Variants in EPHA3 observed in about 807,000 individuals in gnomAD.
EPHA3 encodes the protein EPH receptor A3.
In EPHA3, 42 loss-of-function variants were observed where a neutral mutation model predicts 107.1. That is an observed-to-expected ratio of 0.39 (90% CI 0.31 to 0.51). EPHA3 has a LOEUF of 0.51. Ranked by LOEUF, EPHA3 falls within the 20% of genes least tolerant of loss-of-function variation. The probability of loss-of-function intolerance (pLI) is 0.78; values close to 1 mark genes in which losing one functional copy is unlikely to be tolerated. For synonymous variants in EPHA3, 461 were observed against 424.8 expected (o/e 1.09, Z -1.05); for missense variants, 1,183 against 1,211.2 (o/e 0.98, Z 0.35).
At chr3:89,158,181 G>C (rs1476739114) in intron 2 of EPHA3, among the ~76,000 whole-genome samples, 3 of 152,060 alleles carry the variant, frequency 2.0e-5, no homozygotes, top group Non-Finnish European at 4.4e-5. Context: ...AATTATCCAA[G>C]GTTGCACAAC....
At chr3:89,129,705 G>T (rs1704163990) in intron 2 of EPHA3, among the ~76,000 whole-genome samples, 1 of 148,058 alleles carries the variant, frequency 6.8e-6, no homozygotes, top group Non-Finnish European at 1.5e-5. Flanking sequence ...AAATATTTGT[G>T]CCTCTAGATT....
intron 5 of EPHA3, among the ~76,000 whole-genome samples, chr3:89,373,481 G>T (rs189950008): frequency 6.6e-6 from 1 of 151,964 alleles, no homozygotes; most frequent in Admixed American, 6.6e-5. Context: ...AAATGGCAAT[G>T]TTATTTCAGA....
At chr3:89,116,642 A>G (rs1707261584) in intron 1 of EPHA3, among the ~76,000 whole-genome samples, 1 of 151,950 alleles carries the variant, frequency 6.6e-6, no homozygotes, top group South Asian at 2.1e-4. Context: ...GGCAAAGAGC[A>G]AAAATAGCAT....
chr3:89,267,379 A>G (rs1389009596), intron 3 of EPHA3, among the ~76,000 whole-genome samples: 1 of 152,112 alleles, frequency 6.6e-6, no homozygotes, highest in Non-Finnish European at 1.5e-5. Flanking sequence ...ATCCTTGGCT[A>G]TTTTACACTG....
intron 5 of EPHA3, among the ~76,000 whole-genome samples, chr3:89,348,325 C>T (rs1707723201): frequency 7.2e-6 from 1 of 139,696 alleles, no homozygotes; most frequent in Non-Finnish European, 1.6e-5. Context: ...GATTCAACTT[C>T]TTCCTGGTTT....
chr3:89,183,919 G>T (rs1295357869), intron 2 of EPHA3, among the ~76,000 whole-genome samples: 3 of 151,838 alleles, frequency 2.0e-5, no homozygotes, highest in African/African-American at 7.2e-5. Flanking sequence ...ACATTGAAAT[G>T]ATTATGTAAA....
intron 5 of EPHA3, among the ~76,000 whole-genome samples, chr3:89,394,339 G>A (rs1026022319): frequency 8.5e-5 from 13 of 152,106 alleles, no homozygotes; most frequent in African/African-American, 3.1e-4. Context: ...GCTGCAGTAA[G>A]CCGAGATCAC....
intron 5 of EPHA3, among the ~76,000 whole-genome samples, chr3:89,343,943 G>GA (rs1205943036): frequency 1.2e-4 from 19 of 152,138 alleles, no homozygotes; most frequent in South Asian, 4.1e-4. Flanking sequence ...TCTTCTATGG[G>GA]AAAAAATGAG....
intron 3 of EPHA3, among the ~76,000 whole-genome samples, chr3:89,251,030 C>A (rs1469594930): frequency 6.6e-6 from 1 of 152,124 alleles, no homozygotes; most frequent in Non-Finnish European, 1.5e-5. Flanking sequence ...GGAATTATTT[C>A]TCTGAGACTA....
intron 1 of EPHA3, 23 bp downstream of exon 1, chr3:89,107,859 C>T (rs377389977): frequency 1.9e-6 from 3 of 1,608,860 alleles, no homozygotes; most frequent in East Asian, 2.2e-5. Context: ...CCGCGACGCA[C>T]GGAGCTCTGC....
At chr3:89,238,241 C>T (rs1704819042) in intron 3 of EPHA3, among the ~76,000 whole-genome samples, 1 of 152,044 alleles carries the variant, frequency 6.6e-6, no homozygotes. Context: ...ATGGGGTAGC[C>T]AGATGGATAT....
intron 2 of EPHA3, among the ~76,000 whole-genome samples, chr3:89,205,777 T>G (rs1356227050): frequency 6.6e-6 from 1 of 151,690 alleles, no homozygotes; most frequent in African/African-American, 2.4e-5. Flanking sequence ...CACCACCAAA[T>G]TCTATGTTAC....
Position 89,388,769 on chromosome 3 carries a change from ATCT to A in EPHA3, c.1307-7063_1307-7061del, listed in dbSNP as rs1448904690. ...GTGATCCTAAGAGTTATCTGCTATC[ATCT>A]TCTTAAAAATACAGATCTCCAGACC... On this transcript the variant is annotated intron_variant, in intron 5 of 16. Coordinates refer to ENST00000336596, the MANE Select transcript of EPHA3 (RefSeq NM_005233.6). 3.3e-5 allele frequency among the ~76,000 whole-genome samples: 5 copies of A among 152,322 alleles called. No homozygotes were observed. The East Asian group carries it at 9.7e-4, about 29-fold the overall frequency.
At chr3:89,457,796 G>A (rs575602842) in intron 15 of EPHA3, among the ~76,000 whole-genome samples, 5 of 152,190 alleles carry the variant, frequency 3.3e-5, no homozygotes, top group African/African-American at 9.7e-5. Context: ...GGATTCATAC[G>A]AGAGAATTAA....
intron 5 of EPHA3, among the ~76,000 whole-genome samples, chr3:89,353,416 T>G (rs1707875612): frequency 6.6e-6 from 1 of 151,440 alleles, no homozygotes; most frequent in Non-Finnish European, 1.5e-5. Context: ...CTTTGTTTCA[T>G]TTTATGATTA....
intron 16 of EPHA3, among the ~76,000 whole-genome samples, chr3:89,474,709 A>G (rs1710471760): frequency 6.6e-6 from 1 of 152,244 alleles, no homozygotes; most frequent in African/African-American, 2.4e-5. Flanking sequence ...GTCAGCCATT[A>G]TAAGCTATGA....
chr3:89,113,243 G>A (rs1559736743), intron 1 of EPHA3, among the ~76,000 whole-genome samples: 2 of 152,114 alleles, frequency 1.3e-5, no homozygotes, highest in East Asian at 1.9e-4. Flanking sequence ...AGAAATATTA[G>A]TAAAAGCAAT....
intron 3 of EPHA3, among the ~76,000 whole-genome samples, chr3:89,217,601 C>T (rs1704249889): frequency 6.6e-6 from 1 of 152,046 alleles, no homozygotes. Context: ...CCCATAAACC[C>T]CACATAATCC....
intron 1 of EPHA3, among the ~76,000 whole-genome samples, chr3:89,109,376 A>C (rs1707046326): frequency 1.3e-5 from 2 of 152,048 alleles, no homozygotes; most frequent in Admixed American, 1.3e-4. Context: ...AATTAAACTT[A>C]ATGTTTTAAA....
Sources: allele counts gnomAD v4.1 joint callset (sites outside exome capture counted in the v4.1 genomes callset), GRCh38; gene constraint gnomAD v4.1.1; transcripts MANE v1.5; gene names NCBI Gene and HGNC (gene_info 2026-07-23, HGNC 2026-07-21).